Variants in ZNF221 observed in about 807,000 individuals in gnomAD.
ZNF221 encodes zinc finger protein 221.
Under a neutral mutation model 12.6 loss-of-function variants are expected in ZNF221, and 10 were observed. The observed-to-expected ratio is 0.79, with a 90% CI of 0.49 to 1.34. The LOEUF (loss-of-function observed/expected upper bound fraction) is 1.34, where lower values mean the gene tolerates loss of function less well. ZNF221 is among the 40% of genes most tolerant of loss of function. ZNF221 has a pLI of 0.00. For synonymous variants in ZNF221, 232 were observed against 244.0 expected (o/e 0.95, Z 0.46); for missense variants, 661 against 721.4 (o/e 0.92, Z 0.96).
chr19:43,966,782 GT>G lies in ZNF221; in HGVS notation c.1281del (p.Cys427TrpfsTer68). 6.2e-7 allele frequency: 1 copy of G among 1,614,210 alleles called. No homozygotes were observed. The highest frequency in any genetic ancestry group is 8.5e-7 in the Non-Finnish European group (1 of 1,180,046). ...CAAAAATCCTTCAAATGTGAAGAAT[GT>G]GGGAAGGGATTTTATACAAATTCAC... Reference protein sequence around the residue: ...SGQKSFKCEECGKGFYTNSRR... With the variant: ...SGQKSFKCEEXGKGFYTNSRR... On this transcript the variant is annotated frameshift_variant, in exon 5 of 5. Coordinates refer to ENST00000587682, the MANE Select transcript of ZNF221 (RefSeq NM_001297588.2). LOFTEE classifies it low-confidence loss of function (END_TRUNC).
chr19:43,970,175 G>C (rs1427459979), downstream of ZNF221, among the ~76,000 whole-genome samples: 1 of 145,744 alleles, frequency 6.9e-6, no homozygotes, highest in Non-Finnish European at 1.5e-5. Context: ...CAGCCCTACA[G>C]TTGCTAACAG....
chr19:43,954,653 C>T (rs887628365), intron 1 of ZNF221, among the ~76,000 whole-genome samples: 3 of 152,126 alleles, frequency 2.0e-5, no homozygotes, highest in African/African-American at 7.2e-5. Flanking sequence ...GGAATTCTGA[C>T]ACAAGTTTTA....
the ZNF221 span, among the ~76,000 whole-genome samples, chr19:43,972,763 C>CAAAAAAAAAAAAAAA: frequency 2.6e-4 from 18 of 67,936 alleles, 4 homozygotes; most frequent in African/African-American, 5.1e-4. Context: ...AATAGTCTAC[C>CAAAAAAAAAAAAAAA]AAAAAAAAAA....
chr19:43,962,721 C>G lies in ZNF221; in HGVS notation c.-2-4C>G. On this transcript the variant is annotated splice_region_variant and splice_polypyrimidine_tract_variant and intron_variant, in intron 1 of 4. Transcript: ENST00000587682. ...GTTTTTCTGCCTTTCCTGGCACTTT[C>G]CAGGCATGATTTCACCTTCACTTGA... is the stretch of plus-strand genomic sequence containing the variant. 6.2e-7 allele frequency: 1 copy of G among 1,613,904 alleles called. No homozygotes were observed. Among genetic ancestry groups the G allele is most frequent in the Non-Finnish European group, 8.5e-7 (1 of 1,179,868 alleles).
rs1250066327 is a variant in ZNF221, at chr19:43,966,122, T to G, written c.620T>G (p.Phe207Cys). 2 of 1,614,236 alleles carry G rather than the reference T, an allele frequency of 1.2e-6. No individual in the cohort carries two copies. The highest frequency in any genetic ancestry group is 1.7e-6 in the Non-Finnish European group (2 of 1,180,036). ...SHTCGECGKS[F>C]CYSPALHIHQ... The stretch of plus-strand genomic sequence containing the variant: ...ACATGTGGTGAGTGTGGAAAAAGCT[T>G]CTGTTACAGCCCAGCCCTTCATATT... The change falls in exon 5 of 5, where the codon TTC becomes TGC. Residue 207 changes from phenylalanine to cysteine, a missense_variant. By Grantham distance (205) the Phe-to-Cys change is radical (BLOSUM62 -2). Coordinates refer to ENST00000587682, the MANE Select transcript of ZNF221 (RefSeq NM_001297588.2).
rs1283560296 is a variant in ZNF221 at position 43,967,531 on chromosome 19, T to A, written c.*175T>A. On this transcript the variant is annotated 3_prime_UTR_variant, in exon 5 of 5. Coordinates refer to ENST00000587682, the MANE Select transcript of ZNF221 (RefSeq NM_001297588.2). ...TCTCACTCTTTCACCCAGGCCTGAC[T>A]GCAGTGGCGCTATCTCAGCTCACTG... 8.7e-6 allele frequency: 5 copies of A among 575,084 alleles called. No homozygotes were observed. Among genetic ancestry groups the A allele is most frequent in the Admixed American group, 6.2e-5 (2 of 32,266 alleles). The allele number at this position is 575,084 out of a possible 1,614,324, so 35.6% of individuals were successfully genotyped here. A position where few individuals can be genotyped will look rare whatever the true frequency, so the allele number is the denominator to read the frequency against.
At chr19:43,955,777 T>C (rs1974745781) in intron 1 of ZNF221, among the ~76,000 whole-genome samples, 1 of 152,188 alleles carries the variant, frequency 6.6e-6, no homozygotes, top group Admixed American at 6.5e-5. Flanking sequence ...TTCCAAATCA[T>C]ATGTTCATTC....
At chr19:43,963,489 CTG>C (rs1481860500) in intron 2 of ZNF221, among the ~76,000 whole-genome samples, 1 of 152,214 alleles carries the variant, frequency 6.6e-6, no homozygotes, top group African/African-American at 2.4e-5. Context: ...GAGCTAGATT[CTG>C]TGTTTGCCAT....
At chr19:43,969,040 T>TC (rs1280956318), downstream of ZNF221, among the ~76,000 whole-genome samples, 6 of 152,116 alleles carry the variant, frequency 3.9e-5, no homozygotes, top group Non-Finnish European at 5.9e-5. Flanking sequence ...ATCCTTATAT[T>TC]CCCCTAGGAA....
rs751151928 is a variant in ZNF221 at position 43,966,873 on chromosome 19, GGACTATAAAAGGAGGTTGGATCTT to G, written c.1374_1397del (p.Asp458_Leu465del). ...CATATAACTGTGAGGAGTGTGGTAA[GGACTATAAAAGGAGGTTGGATCTT>G]GAGTTTCACCAGAGGGTCCACACGG... On this transcript the variant is annotated inframe_deletion, in exon 5 of 5. Coordinates refer to ENST00000587682, the MANE Select transcript of ZNF221 (RefSeq NM_001297588.2). 1.9e-5 allele frequency: 31 copies of G among 1,614,230 alleles called. No individual in the cohort carries two copies. In the East Asian group the frequency reaches 6.0e-4, roughly 31 times the overall value.
intron 2 of ZNF221, 127 bp downstream of exon 2, chr19:43,962,934 C>A: frequency 1.3e-6 from 1 of 786,670 alleles, no homozygotes; most frequent in Non-Finnish European, 1.9e-6. Context: ...TTGCCAGATG[C>A]TTCCTTTGCT....
At chr19:43,954,083 C>CAAAAAA (rs5828186) in intron 1 of ZNF221, among the ~76,000 whole-genome samples, 1 of 86,668 alleles carries the variant, frequency 1.2e-5, no homozygotes. Flanking sequence ...GACTCCGTCT[C>CAAAAAA]AAAAAAAAAA....
intron 1 of ZNF221, among the ~76,000 whole-genome samples, chr19:43,953,931 A>AAT (rs999463515): frequency 1.3e-5 from 2 of 151,880 alleles, no homozygotes; most frequent in African/African-American, 4.8e-5. Context: ...AAAAATAGAA[A>AAT]ATTAGCCAGG....
At chr19:43,961,654 G>A (rs441386) in intron 1 of ZNF221, among the ~76,000 whole-genome samples, 53,432 of 151,944 alleles carry the variant, frequency 0.35, 9,572 homozygotes, top group Middle Eastern at 0.45. Context: ...CCATCCCCCA[G>A]TCCAAAGTCC....
In ZNF221 at chr19:43,967,479, T is replaced by G. The variant is rs8106268; in HGVS notation, c.*123T>G. On this transcript the variant is annotated 3_prime_UTR_variant, in exon 5 of 5. Coordinates refer to ENST00000587682, the MANE Select transcript of ZNF221 (RefSeq NM_001297588.2). ...GGAAGAGCTTTGTACATAGATCATA[T>G]CTTTTTTTTTTTTTTTTGAGACAGA... 0.012 allele frequency: 7,994 copies of G among 667,520 alleles called. 459 individuals are homozygous for G. In the African/African-American group the frequency reaches 0.14, roughly 12 times the overall value. 41.3% of individuals were successfully genotyped at this position (667,520 alleles called of 1,614,324 possible).
intron 1 of ZNF221, among the ~76,000 whole-genome samples, chr19:43,957,796 C>CA (rs1256083170): frequency 3.3e-5 from 5 of 152,138 alleles, no homozygotes; most frequent in Non-Finnish European, 7.4e-5. Flanking sequence ...TTCAGTTTTG[C>CA]AAGAGTTAAG....
Position 43,967,042 on chromosome 19 carries a change from A to G in ZNF221, c.1540A>G (p.Arg514Gly). The change falls in exon 5 of 5, where the codon AGA becomes GGA. Residue 514 changes from arginine (R) to glycine (G), a missense_variant. Transcript: ENST00000587682. ...TTTCAAATGTGAAGAGTGTGGAAAG[A>G]GATTTACTCAGAGTTCACAACTTCA... ...KPFKCEECGK[R>G]FTQSSQLHSH... 6.3e-7 allele frequency: 1 copy of G among 1,597,550 alleles called. No homozygotes were observed. Among genetic ancestry groups the G allele is most frequent in the South Asian group, 1.1e-5 (1 of 89,494 alleles).
downstream of ZNF221, chr19:43,967,935 T>G (rs995637961): frequency 6.3e-6 from 1 of 158,930 alleles, no homozygotes; most frequent in East Asian, 1.9e-4. Flanking sequence ...GATTGCCATG[T>G]GCTTCAGTTA....
At chr19:43,960,925 A>T (rs1974832091) in intron 1 of ZNF221, among the ~76,000 whole-genome samples, 1 of 152,100 alleles carries the variant, frequency 6.6e-6, no homozygotes, top group African/African-American at 2.4e-5. Flanking sequence ...TGCCAAGGAG[A>T]AATGTGAGGG....
Sources: allele counts gnomAD v4.1 joint callset (sites outside exome capture counted in the v4.1 genomes callset), GRCh38; gene constraint gnomAD v4.1.1; transcripts MANE v1.5; gene names NCBI Gene and HGNC (gene_info 2026-07-23, HGNC 2026-07-21).